Variants in PLEKHG1 observed in about 807,000 individuals in gnomAD.
PLEKHG1 encodes the protein pleckstrin homology and RhoGEF domain containing G1.
PLEKHG1 carries 44 observed loss-of-function variants against 100.8 expected under a neutral mutation model. The observed-to-expected ratio is 0.44, with a 90% CI of 0.34 to 0.56. The LOEUF (loss-of-function observed/expected upper bound fraction) is 0.56, where lower values mean the gene tolerates loss of function less well. Ranked by LOEUF, PLEKHG1 falls within the 20% of genes least tolerant of loss-of-function variation. The pLI is 0.01. For synonymous variants in PLEKHG1, 640 were observed against 662.5 expected, an observed-to-expected ratio of 0.97 and a Z score of 0.52; for missense variants, 1,545 against 1,720.9, an observed-to-expected ratio of 0.90 and a Z score of 1.81.
intron 3 of PLEKHG1, among the ~76,000 whole-genome samples, chr6:150,652,440 C>T (rs935680768): frequency 4.6e-5 from 7 of 152,086 alleles, no homozygotes; most frequent in Non-Finnish European, 8.8e-5. Context: ...TTTATATTTT[C>T]GTCTGGGTGC....
At chr6:150,829,149 T>C (rs1339590972) in intron 14 of PLEKHG1, among the ~76,000 whole-genome samples, 1 of 152,212 alleles carries the variant, frequency 6.6e-6, no homozygotes, top group Non-Finnish European at 1.5e-5. Context: ...CTATAGTGTT[T>C]TATTAGAATA....
Position 150,743,031 on chromosome 6 carries a change from A to G in PLEKHG1, c.411+8939A>G, listed in dbSNP as rs571200134. On this transcript the variant is annotated intron_variant, in intron 2 of 15. Transcript: ENST00000358517. Reference sequence around the variant, plus strand: ...GCACATCCCTTTTCTCAAACTCCCAATGAGAATCTTGTTACCTGGCTACAT... The same window carrying G: ...GCACATCCCTTTTCTCAAACTCCCAGTGAGAATCTTGTTACCTGGCTACAT... Among the ~76,000 whole-genome samples, 17 of 152,320 alleles carry G rather than the reference A, an allele frequency of 1.1e-4. No individual in the cohort carries two copies. In the South Asian group the frequency reaches 1.7e-3, roughly 15 times the overall value.
At chr6:150,729,083 G>T (rs1468675497) in intron 1 of PLEKHG1, among the ~76,000 whole-genome samples, 1 of 151,832 alleles carries the variant, frequency 6.6e-6, no homozygotes, top group Non-Finnish European at 1.5e-5. Flanking sequence ...CAGACTGACT[G>T]TGTTTGTTTG....
At chr6:150,623,333 G>A in intron 1 of PLEKHG1, among the ~76,000 whole-genome samples, 1 of 152,162 alleles carries the variant, frequency 6.6e-6, no homozygotes, top group Middle Eastern at 3.2e-3. Flanking sequence ...TTGGCTGTTG[G>A]GTTCTTCAGT....
chr6:150,662,061 T>C (rs1779216225), intron 3 of PLEKHG1, among the ~76,000 whole-genome samples: 2 of 152,104 alleles, frequency 1.3e-5, no homozygotes, highest in Admixed American at 1.3e-4. Context: ...GAGTGTGTCA[T>C]GGACCACAGG....
At chr6:150,816,325 A>ATTTTTTTTT (rs1562546175) in intron 10 of PLEKHG1, among the ~76,000 whole-genome samples, 1 of 49,714 alleles carries the variant, frequency 2.0e-5, no homozygotes, top group African/African-American at 5.6e-5. Context: ...TCTCAAACAT[A>ATTTTTTTTT]CTTTTTTTTT....
intron 2 of PLEKHG1, among the ~76,000 whole-genome samples, chr6:150,756,270 G>C (rs868505216): frequency 6.6e-6 from 1 of 152,126 alleles, no homozygotes; most frequent in Non-Finnish European, 1.5e-5. Flanking sequence ...CCATCTGCAC[G>C]GTGCCTCTGC....
intron 5 of PLEKHG1, among the ~76,000 whole-genome samples, chr6:150,800,015 G>T (rs973599721): frequency 6.6e-6 from 1 of 152,208 alleles, no homozygotes; most frequent in Non-Finnish European, 1.5e-5. Context: ...GTTGCGGAAA[G>T]AATTCTAACC....
rs115962713 is a variant in PLEKHG1 at position 150,795,547 on chromosome 6, C to G, written c.583-309C>G. On this transcript the variant is annotated intron_variant, in intron 4 of 15. Transcript: ENST00000358517. ...TCGTTTCTTTGGCAGTCTAGGAAAACATTGTGAAAGACATTGAAATCCACC... is the reference window on the plus strand; with the variant it reads ...TCGTTTCTTTGGCAGTCTAGGAAAAGATTGTGAAAGACATTGAAATCCACC... Among the ~76,000 whole-genome samples the G allele has an allele frequency of 6.5e-3, 982 of 151,856 alleles. 14 individuals carry two copies. The highest frequency in any genetic ancestry group is 0.023 in the African/African-American group (939 of 41,408).
intron 15 of PLEKHG1, 151 bp downstream of exon 16, chr6:150,832,356 C>A (rs1490875925): frequency 4.7e-6 from 3 of 645,156 alleles, no homozygotes; most frequent in Admixed American, 6.4e-5. Context: ...GCCATACTGG[C>A]CTTTCTCACA....
chr6:150,600,783 C>T lies in PLEKHG1; in HGVS notation c.-204+766C>T, dbSNP rs1021246873. 4.6e-5 allele frequency: 7 copies of T among 152,396 alleles called. No homozygotes were observed. In the East Asian group the frequency reaches 1.4e-3, roughly 29 times the overall value. 9.4% of individuals were successfully genotyped at this position (152,396 alleles called of 1,614,324 possible). A position where few individuals can be genotyped will look rare whatever the true frequency, so the allele number is the denominator to read the frequency against. ...CGTTCCGAAGCCGGAAGCTTGGGAA[C>T]GCTCTAACTGGGAGAACGGCGCTCG... On this transcript the variant is annotated intron_variant, in intron 1 of 3. Coordinates refer to the PLEKHG1 transcript ENST00000367326. This position sits in a 1 kb window ranked among gnomAD's most constrained non-coding sequence, Gnocchi z 6.2.
At position 150,819,676 on chromosome 6, in the gene PLEKHG1, C is replaced by T; in HGVS notation, c.1313-3C>T. 6.3e-7 allele frequency: 1 copy of T among 1,591,520 alleles called. No homozygotes were observed. The highest frequency in any genetic ancestry group is 8.6e-7 in the Non-Finnish European group (1 of 1,159,392). ...CCACTGATGCACGTGGTTATCTTTACAGATCATCCAGGCTTCTGTTACAGT... is the reference window on the plus strand; with the variant it reads ...CCACTGATGCACGTGGTTATCTTTATAGATCATCCAGGCTTCTGTTACAGT... On this transcript the variant is annotated splice_region_variant and splice_polypyrimidine_tract_variant and intron_variant, in intron 11 of 15. Transcript: ENST00000358517.
At chr6:150,725,752 CTA>C (rs1242046775) in intron 1 of PLEKHG1, among the ~76,000 whole-genome samples, 2 of 144,304 alleles carry the variant, frequency 1.4e-5, no homozygotes, top group Non-Finnish European at 3.0e-5. Context: ...CTTTTCTCCC[CTA>C]TGTTTTTTTT....
chr6:150,628,360 A>T (rs970342632), intron 1 of PLEKHG1, among the ~76,000 whole-genome samples: 1 of 152,152 alleles, frequency 6.6e-6, no homozygotes, highest in Non-Finnish European at 1.5e-5. Flanking sequence ...AATTTCAAAG[A>T]GGATGTTGAC....
intron 3 of PLEKHG1, among the ~76,000 whole-genome samples, chr6:150,769,364 T>C (rs1784597821): frequency 6.6e-6 from 1 of 151,896 alleles, no homozygotes; most frequent in South Asian, 2.1e-4. Flanking sequence ...GACAGATCAC[T>C]TGAGGTTAGG....
intron 2 of PLEKHG1, among the ~76,000 whole-genome samples, chr6:150,767,909 C>CTAGG (rs1784525446): frequency 6.6e-6 from 1 of 152,064 alleles, no homozygotes; most frequent in South Asian, 2.1e-4. Flanking sequence ...TCAAGTCTTG[C>CTAGG]TAGGGAAAGG....
intron 14 of PLEKHG1, among the ~76,000 whole-genome samples, chr6:150,825,370 A>G (rs942692682): frequency 2.0e-5 from 3 of 152,118 alleles, no homozygotes; most frequent in African/African-American, 7.2e-5. Context: ...TGAGCTCAGG[A>G]ATTCAAGATC....
At chr6:150,826,820 G>A (rs909393055) in intron 14 of PLEKHG1, among the ~76,000 whole-genome samples, 5 of 151,962 alleles carry the variant, frequency 3.3e-5, no homozygotes, top group African/African-American at 1.2e-4. Context: ...CTCATTTTTT[G>A]TAGAGACAAG....
chr6:150,725,067 A>T (rs1462352473), intron 1 of PLEKHG1, among the ~76,000 whole-genome samples: 1 of 152,198 alleles, frequency 6.6e-6, no homozygotes, highest in East Asian at 1.9e-4. Flanking sequence ...GTGACTTACA[A>T]GGAACAGAAA....
Sources: gnomAD v4.1 joint callset for allele counts (sites outside exome capture counted in the v4.1 genomes callset) on GRCh38, gnomAD v4.1.1 for gene constraint, Gnocchi (gnomAD v3.1) non-coding constraint, MANE v1.5 for transcripts, NCBI Gene and HGNC (gene_info 2026-07-23, HGNC 2026-07-21) for gene names.